Variants in CORO1C observed in about 807,000 individuals in gnomAD.
CORO1C encodes the protein coronin 1C, also known as coronin-1C.
In CORO1C, 14 loss-of-function variants were observed where a neutral mutation model predicts 51.2. That is an observed-to-expected ratio of 0.27 (90% CI 0.18 to 0.43). The LOEUF (loss-of-function observed/expected upper bound fraction) is 0.43, where lower values mean the gene tolerates loss of function less well. Among genes scored for constraint, CORO1C ranks in the 20% least tolerant of loss-of-function variants. The pLI is 1.00. For missense variants in CORO1C, 417 were observed against 607.8 expected (o/e 0.69, Z 3.30); for synonymous variants, 181 against 210.5 (o/e 0.86, Z 1.21).
intron 1 of CORO1C, among the ~76,000 whole-genome samples, chr12:108,715,947 A>T (rs992210395): frequency 9.2e-5 from 14 of 151,580 alleles, no homozygotes; most frequent in Non-Finnish European, 2.1e-4. Context: ...CCTGGCTAAC[A>T]CGGTGAAACC....
chr12:108,656,372 G>A (rs144387439), intron 6 of CORO1C, among the ~76,000 whole-genome samples: 7,212 of 147,396 alleles, frequency 0.049, 212 homozygotes, highest in Middle Eastern at 0.086. Flanking sequence ...CGCCCCGTCC[G>A]GGAGGGAGGT....
intron 2 of CORO1C, among the ~76,000 whole-genome samples, chr12:108,680,599 A>G (rs1464500682): frequency 6.6e-6 from 1 of 152,202 alleles, no homozygotes; most frequent in Non-Finnish European, 1.5e-5. Context: ...TCGGTTCCTC[A>G]TCTATAAAAC....
intron 2 of CORO1C, among the ~76,000 whole-genome samples, chr12:108,679,137 G>GA: frequency 2.6e-5 from 1 of 38,558 alleles, no homozygotes; most frequent in East Asian, 6.5e-4. Flanking sequence ...AAAGAAACAA[G>GA]AAAAAAGAAA....
At chr12:108,690,884 C>G (rs748101459) in intron 2 of CORO1C, among the ~76,000 whole-genome samples, 18 of 152,148 alleles carry the variant, frequency 1.2e-4, no homozygotes, top group Non-Finnish European at 2.4e-4. Flanking sequence ...AATATCAAAT[C>G]AGAAAATAGA....
chr12:108,672,657 G>GTT (rs201309211), intron 3 of CORO1C, among the ~76,000 whole-genome samples: 1 of 143,892 alleles, frequency 6.9e-6, no homozygotes, highest in South Asian at 2.2e-4. Flanking sequence ...TTTTTGTTTT[G>GTT]TTTTTTTTTT....
At chr12:108,706,427 C>G (rs1421494567) in intron 1 of CORO1C, among the ~76,000 whole-genome samples, 1 of 151,866 alleles carries the variant, frequency 6.6e-6, no homozygotes, top group African/African-American at 2.4e-5. Flanking sequence ...AGGTTCTAGC[C>G]AAGGCAATTA....
At chr12:108,677,519 CTT>C (rs968351129) in intron 3 of CORO1C, among the ~76,000 whole-genome samples, 2 of 152,228 alleles carry the variant, frequency 1.3e-5, no homozygotes, top group East Asian at 3.8e-4. Context: ...TGCAAAAACT[CTT>C]TTACCACCTG....
At chr12:108,664,587 A>T in intron 3 of CORO1C, among the ~76,000 whole-genome samples, 1 of 152,180 alleles carries the variant, frequency 6.6e-6, no homozygotes, top group East Asian at 1.9e-4. Flanking sequence ...AATTTTAAGC[A>T]AGGCAGGTGT....
chr12:108,722,231 A>C (rs188818448), intron 1 of CORO1C, among the ~76,000 whole-genome samples: 2 of 152,366 alleles, frequency 1.3e-5, no homozygotes, highest in Admixed American at 1.3e-4. Flanking sequence ...ACATGAATAA[A>C]GCCTGTAGTC....
At chr12:108,691,253 A>G (rs182455844) in intron 2 of CORO1C, among the ~76,000 whole-genome samples, 1 of 152,256 alleles carries the variant, frequency 6.6e-6, no homozygotes, top group East Asian at 1.9e-4. Flanking sequence ...ATGCCCTCTC[A>G]GCTCATTCTT....
chr12:108,654,991 C>T (rs2032872336), intron 6 of CORO1C, among the ~76,000 whole-genome samples: 1 of 152,160 alleles, frequency 6.6e-6, no homozygotes. Context: ...CAGGAATGGC[C>T]ACTGCGCCTA....
At chr12:108,692,240 A>G (rs949882197) in intron 2 of CORO1C, among the ~76,000 whole-genome samples, 1 of 152,122 alleles carries the variant, frequency 6.6e-6, no homozygotes, top group Non-Finnish European at 1.5e-5. Context: ...GCATCAGACA[A>G]TCTATTTCAG....
At chr12:108,725,918 C>T (rs569881066) in intron 1 of CORO1C, among the ~76,000 whole-genome samples, 1 of 152,246 alleles carries the variant, frequency 6.6e-6, no homozygotes, top group East Asian at 1.9e-4. Context: ...TCCCTGCAGC[C>T]TCTGCCTCCC....
intron 1 of CORO1C, among the ~76,000 whole-genome samples, chr12:108,709,725 GAAA>G (rs920295500): frequency 6.7e-6 from 1 of 148,770 alleles, no homozygotes; most frequent in Non-Finnish European, 1.5e-5. Context: ...TCTCAAAAAA[GAAA>G]AAAAAAGAGT....
At chr12:108,712,934 AT>A (rs966565583) in intron 1 of CORO1C, among the ~76,000 whole-genome samples, 8 of 150,188 alleles carry the variant, frequency 5.3e-5, no homozygotes, top group Middle Eastern at 3.2e-3. Flanking sequence ...AAAAAAAAAA[AT>A]CATCATTTCC....
chr12:108,685,372 A>T (rs1326807632), intron 2 of CORO1C, among the ~76,000 whole-genome samples: 2 of 152,162 alleles, frequency 1.3e-5, no homozygotes, highest in Non-Finnish European at 2.9e-5. Flanking sequence ...CCTTTCTATC[A>T]AAACAAATAA....
intron 1 of CORO1C, among the ~76,000 whole-genome samples, chr12:108,711,361 C>A (rs540518680): frequency 1.3e-5 from 2 of 152,018 alleles, no homozygotes; most frequent in African/African-American, 4.8e-5. Flanking sequence ...CAGAGCAAGA[C>A]CATGTCTCAA....
Position 108,647,208 on chromosome 12 carries a change from G to T in CORO1C, c.*195C>A. 2 of 462,296 alleles carry T rather than the reference G, an allele frequency of 4.3e-6. No homozygotes were observed. The highest frequency in any genetic ancestry group is 7.7e-6 in the Non-Finnish European group (2 of 260,520). The allele number at this position is 462,296 out of a possible 1,614,324, so 28.6% of individuals were successfully genotyped here. ...ATAAAAAGCTCAGCTTTTAAATCAC[G>T]TTTTGTTTCTGCAAATTTGGGAGAC... is the stretch of plus-strand genomic sequence containing the variant. On this transcript the variant is annotated 3_prime_UTR_variant, in exon 11 of 11. Transcript: ENST00000261401.
At chr12:108,696,618 T>C (rs2034695499) in intron 2 of CORO1C, among the ~76,000 whole-genome samples, 1 of 152,194 alleles carries the variant, frequency 6.6e-6, no homozygotes, top group Non-Finnish European at 1.5e-5. Flanking sequence ...AGGCAGCTTG[T>C]GCAGTTGTGG....
Sources: gnomAD v4.1 joint callset for allele counts (sites outside exome capture counted in the v4.1 genomes callset) on GRCh38, gnomAD v4.1.1 for gene constraint, MANE v1.5 for transcripts, NCBI Gene and HGNC (gene_info 2026-07-23, HGNC 2026-07-21) for gene names.